Variants in TG observed in about 807,000 individuals in gnomAD.
TG encodes the protein thyroglobulin.
Under a neutral mutation model 324.7 loss-of-function variants are expected in TG, and 270 were observed. The observed-to-expected ratio is 0.83, with a 90% CI of 0.75 to 0.92. The LOEUF is 0.92. Among genes scored for constraint, TG ranks in the 40% least tolerant of loss-of-function variants. TG has a pLI of 0.00. For missense variants in TG, 3,591 were observed against 3,456.4 expected, an observed-to-expected ratio of 1.04 and a Z score of -0.98; for synonymous variants, 1,401 against 1,327.0, an observed-to-expected ratio of 1.06 and a Z score of -1.21.
chr8:133,082,620 A>C (rs1191409485), intron 41 of TG, among the ~76,000 whole-genome samples: 2 of 152,126 alleles, frequency 1.3e-5, no homozygotes, highest in African/African-American at 2.4e-5. Context: ...TCCCCACGTC[A>C]CCGGAGTCAG....
intron 5 of TG, among the ~76,000 whole-genome samples, chr8:132,875,330 C>T (rs1321687278): frequency 1.3e-5 from 2 of 152,160 alleles, no homozygotes; most frequent in African/African-American, 4.8e-5. Flanking sequence ...TTCAAGATCA[C>T]CTGAGTGCTT....
At chr8:132,887,646 CT>C in intron 9 of TG, 98 bp downstream of exon 9, 1 of 1,517,816 alleles carries the variant, frequency 6.6e-7, no homozygotes, top group Non-Finnish European at 9.1e-7. Flanking sequence ...CTGGCCAATG[CT>C]TACACTTCAG....
intron 41 of TG, chr8:133,040,459 C>G (rs974894130): frequency 5.2e-5 from 15 of 290,886 alleles, no homozygotes; most frequent in Admixed American, 1.4e-4. Flanking sequence ...GCTTTCCTTT[C>G]TTCAACTGCA....
intron 41 of TG, among the ~76,000 whole-genome samples, chr8:133,091,709 C>T (rs71526274): frequency 0.41 from 62,450 of 151,556 alleles, 13,791 homozygotes; most frequent in Non-Finnish European, 0.48. Flanking sequence ...TGTCCTTCTG[C>T]ACTTATGTGA....
chr8:132,983,484 T>C (rs369433547), intron 35 of TG, 72 bp downstream of exon 35: 1 of 1,473,478 alleles, frequency 6.8e-7, no homozygotes. Flanking sequence ...TCTTCCCCCT[T>C]GCTTTTGTAC....
Position 132,897,312 on chromosome 8 carries a change from CATAACAT to C in TG, c.3002-334_3002-328del, listed in dbSNP as rs558469251. On this transcript the variant is annotated intron_variant, in intron 11 of 47. Transcript: ENST00000220616. ...GTATGTATTTAGCTAGTGCCTCACA[CATAACAT>C]ATGAGTATAGAGCCTACCTATTATT... 6.4e-4 allele frequency among the ~76,000 whole-genome samples: 97 copies of C among 152,332 alleles called. 2 individuals carry two copies. In the South Asian group the frequency reaches 0.019, roughly 31 times the overall value.
At chr8:132,969,660 C>G in intron 32 of TG, 91 bp downstream of exon 32, 1 of 1,044,982 alleles carries the variant, frequency 9.6e-7, no homozygotes. Flanking sequence ...CAGAAGCATA[C>G]CCAGCACTTT....
intron 16 of TG, among the ~76,000 whole-genome samples, chr8:132,902,092 C>T (rs1337912337): frequency 6.6e-6 from 1 of 152,052 alleles, no homozygotes; most frequent in Non-Finnish European, 1.5e-5. Flanking sequence ...TCTCAAGTCA[C>T]AGGACATCAC....
intron 25 of TG, among the ~76,000 whole-genome samples, chr8:132,939,677 T>TTTG (rs1000917288): frequency 2.0e-5 from 3 of 148,232 alleles, no homozygotes; most frequent in African/African-American, 7.5e-5. Context: ...TTTTTTTTTG[T>TTTG]TTGTTTGTTT....
rs114720115 is a variant in TG at position 132,886,852 on chromosome 8, A to T, written c.1480A>T (p.Thr494Ser). ...GTCTGGAGCCCTTGGCACAAGAGGC[A>T]CATTTAACTTCAGTCAATTTTTCCA... Reference protein sequence around the residue: ...NLSGALGTRGTFNFSQFFQQL... With the variant: ...NLSGALGTRGSFNFSQFFQQL... Residue 494 changes from threonine to serine, a missense_variant, in exon 9 of 48, where the codon ACA becomes TCA. Transcript: ENST00000220616. 5 of 1,614,200 alleles carry T rather than the reference A, an allele frequency of 3.1e-6. No homozygotes were observed. In the East Asian group the frequency reaches 1.1e-4, roughly 36 times the overall value.
chr8:133,052,456 G>T (rs996080760), intron 41 of TG, among the ~76,000 whole-genome samples: 1 of 152,188 alleles, frequency 6.6e-6, no homozygotes, highest in South Asian at 2.1e-4. Context: ...AGAAACAGTC[G>T]TGTCGGGACG....
chr8:133,009,683 G>A (rs1461296197), intron 35 of TG, among the ~76,000 whole-genome samples: 1 of 151,754 alleles, frequency 6.6e-6, no homozygotes, highest in Non-Finnish European at 1.5e-5. Context: ...CTCATGATGG[G>A]GTCGGTGCCC....
intron 45 of TG, among the ~76,000 whole-genome samples, chr8:133,131,512 G>A (rs576419573): frequency 6.6e-6 from 1 of 152,324 alleles, no homozygotes; most frequent in African/African-American, 2.4e-5. Context: ...GTTAGAATAT[G>A]ACCCAAAAAT....
chr8:132,887,317 T>C lies in TG; in HGVS notation c.1945T>C (p.Ser649Pro). 9 of 1,608,530 alleles carry C rather than the reference T, an allele frequency of 5.6e-6. No homozygotes were observed. Among genetic ancestry groups the C allele is most frequent in the Non-Finnish European group, 7.7e-6 (9 of 1,175,718 alleles). Residue 649 changes from serine to proline, a missense_variant, in exon 9 of 48, where the codon TCA becomes CCA. Coordinates refer to ENST00000220616, the MANE Select transcript of TG (RefSeq NM_003235.5). ...TTCCTGGGGCAAAGAGCTTCCAGGCTCAAGAGTCAGAGGTGGACAGCCAAG... is the reference window on the plus strand; with the variant it reads ...TTCCTGGGGCAAAGAGCTTCCAGGCCCAAGAGTCAGAGGTGGACAGCCAAG... ...VNSWGKELPG[S>P]RVRGGQPRCP...
chr8:133,038,875 T>C (rs1054312114), intron 41 of TG: 13 of 602,876 alleles, frequency 2.2e-5, no homozygotes, highest in African/African-American at 1.9e-4. Context: ...TAACTTATTA[T>C]TATTTTTCTT....
At chr8:132,868,290 C>G in intron 2 of TG, 67 bp downstream of exon 2, 3 of 1,426,052 alleles carry the variant, frequency 2.1e-6, no homozygotes, top group Admixed American at 3.5e-5. Context: ...TGTGCCTTCC[C>G]CCCTCTTCCT....
chr8:132,893,179 GGTGT>G (rs1179021279), intron 10 of TG, among the ~76,000 whole-genome samples: 1 of 132,474 alleles, frequency 7.5e-6, no homozygotes, highest in African/African-American at 2.8e-5. Flanking sequence ...GTGTGTGTGT[GGTGT>G]GTATGTGAGT....
At chr8:133,091,606 A>C (rs972591334) in intron 41 of TG, among the ~76,000 whole-genome samples, 1 of 151,530 alleles carries the variant, frequency 6.6e-6, no homozygotes, top group African/African-American at 2.4e-5. Flanking sequence ...GTGTGAGTCT[A>C]TCTGTAGGTG....
intron 41 of TG, among the ~76,000 whole-genome samples, chr8:133,085,264 G>T (rs1846341369): frequency 6.6e-6 from 1 of 152,220 alleles, no homozygotes; most frequent in Non-Finnish European, 1.5e-5. Context: ...TCTATAGAAT[G>T]CAAGGCAGAA....
Sources: allele counts gnomAD v4.1 joint callset (sites outside exome capture counted in the v4.1 genomes callset), GRCh38; gene constraint gnomAD v4.1.1; transcripts MANE v1.5; gene names NCBI Gene and HGNC (gene_info 2026-07-23, HGNC 2026-07-21).